RABGAP1L: variants seen among roughly 807,000 people sequenced by gnomAD.
RABGAP1L encodes rab GTPase-activating protein 1-like.
A neutral mutation model predicts 137.7 loss-of-function variants in RABGAP1L; 63 were observed. The observed-to-expected ratio is 0.46, with a 90% CI of 0.37 to 0.56. The LOEUF (loss-of-function observed/expected upper bound fraction) is 0.56. Among genes scored for constraint, RABGAP1L ranks in the 20% least tolerant of loss-of-function variants. The pLI is 0.00. For synonymous variants in RABGAP1L, 431 were observed against 433.7 expected (o/e 0.99, Z 0.08); for missense variants, 1,095 against 1,244.0 (o/e 0.88, Z 1.80).
chr1:174,428,500 T>C (rs959283920), intron 13 of RABGAP1L, among the ~76,000 whole-genome samples: 6 of 152,236 alleles, frequency 3.9e-5, no homozygotes, highest in Admixed American at 2.0e-4. Flanking sequence ...TTTCCAAACC[T>C]CAGTGGGCAC....
chr1:174,916,215 G>T (rs1660861628), intron 19 of RABGAP1L, among the ~76,000 whole-genome samples: 1 of 150,508 alleles, frequency 6.6e-6, no homozygotes, highest in South Asian at 2.1e-4. Flanking sequence ...CAACTTTGTT[G>T]AAAGTCAGAT....
At chr1:174,596,818 G>A (rs925629959) in intron 13 of RABGAP1L, among the ~76,000 whole-genome samples, 2 of 152,020 alleles carry the variant, frequency 1.3e-5, no homozygotes, top group Admixed American at 1.3e-4. Context: ...AGATTTTCAG[G>A]TTTTACGCAT....
chr1:174,281,637 G>T (rs1675567623), intron 10 of RABGAP1L, among the ~76,000 whole-genome samples: 1 of 152,186 alleles, frequency 6.6e-6, no homozygotes, highest in African/African-American at 2.4e-5. Flanking sequence ...AGAAAGACTG[G>T]GAAGCACAGT....
At chr1:174,490,544 G>A (rs1327976469) in intron 13 of RABGAP1L, among the ~76,000 whole-genome samples, 1 of 152,074 alleles carries the variant, frequency 6.6e-6, no homozygotes, top group Non-Finnish European at 1.5e-5. Flanking sequence ...ATAGCATTTT[G>A]TCTCACTCAA....
chr1:174,531,428 A>C (rs909533), intron 13 of RABGAP1L, among the ~76,000 whole-genome samples: 53,623 of 152,082 alleles, frequency 0.35, 12,097 homozygotes, highest in African/African-American at 0.64. Flanking sequence ...TAAGAATTTC[A>C]GATTTAGATA....
chr1:174,698,436 G>A (rs1482058415), intron 15 of RABGAP1L, among the ~76,000 whole-genome samples: 6 of 152,154 alleles, frequency 3.9e-5, no homozygotes, highest in Non-Finnish European at 8.8e-5. Context: ...AAAACGCAGG[G>A]AGGATAGTCT....
intron 7 of RABGAP1L, among the ~76,000 whole-genome samples, chr1:174,255,964 G>A (rs891871784): frequency 2.6e-5 from 4 of 152,248 alleles, no homozygotes; most frequent in Non-Finnish European, 1.5e-5. Flanking sequence ...TAGGGATATC[G>A]CTTACATCAC....
At chr1:174,551,163 C>T (rs925393125) in intron 13 of RABGAP1L, among the ~76,000 whole-genome samples, 3 of 149,596 alleles carry the variant, frequency 2.0e-5, no homozygotes, top group East Asian at 2.0e-4. Context: ...GAGCTGAGAT[C>T]GCACCACTGC....
At chr1:174,442,412 C>T (rs571511975) in intron 13 of RABGAP1L, among the ~76,000 whole-genome samples, 4 of 152,110 alleles carry the variant, frequency 2.6e-5, no homozygotes, top group Admixed American at 2.0e-4. Context: ...ATCTTACAAA[C>T]GTCTCATTTC....
intron 13 of RABGAP1L, among the ~76,000 whole-genome samples, chr1:174,636,164 A>G (rs1674010807): frequency 1.3e-5 from 2 of 152,188 alleles, no homozygotes; most frequent in Non-Finnish European, 2.9e-5. Context: ...CATTTTTATA[A>G]GGCTAGAATT....
At chr1:174,885,763 C>T (rs1185514111) in intron 19 of RABGAP1L, among the ~76,000 whole-genome samples, 2 of 151,946 alleles carry the variant, frequency 1.3e-5, no homozygotes, top group African/African-American at 2.4e-5. Context: ...GTCAGGAGAT[C>T]GAGACCATCT....
chr1:174,943,477 C>T (rs934010589), intron 19 of RABGAP1L, among the ~76,000 whole-genome samples: 8 of 152,196 alleles, frequency 5.3e-5, no homozygotes, highest in African/African-American at 1.9e-4. Flanking sequence ...ATTTTCTTCT[C>T]CCTCAGAGCA....
chr1:174,160,289 C>T (rs181003591), intron 1 of RABGAP1L, among the ~76,000 whole-genome samples: 64 of 152,168 alleles, frequency 4.2e-4, no homozygotes, highest in African/African-American at 1.5e-3. Flanking sequence ...CCCCACCCAC[C>T]TTGTGAGTGC....
intron 13 of RABGAP1L, among the ~76,000 whole-genome samples, chr1:174,460,530 G>C (rs1017596241): frequency 2.6e-5 from 4 of 151,934 alleles, no homozygotes; most frequent in South Asian, 2.1e-4. Flanking sequence ...TATAAATAAG[G>C]CTTTTCCACA....
intron 11 of RABGAP1L, among the ~76,000 whole-genome samples, chr1:174,305,605 C>CA (rs1678139652): frequency 6.6e-6 from 1 of 152,012 alleles, no homozygotes; most frequent in African/African-American, 2.4e-5. Flanking sequence ...AGGCTTGTCT[C>CA]AAACTCCTGA....
intron 7 of RABGAP1L, among the ~76,000 whole-genome samples, chr1:174,261,924 C>T (rs938991013): frequency 5.9e-5 from 9 of 152,144 alleles, no homozygotes; most frequent in Non-Finnish European, 1.0e-4. Context: ...TCATTCCTCC[C>T]TTTCCTGAAA....
chr1:174,384,906 G>A (rs1571549377), intron 12 of RABGAP1L, among the ~76,000 whole-genome samples: 1 of 152,066 alleles, frequency 6.6e-6, no homozygotes, highest in Non-Finnish European at 1.5e-5. Context: ...GTCTTATATA[G>A]TGTTTTAAGA....
chr1:174,743,835 T>C (rs1683649540), intron 17 of RABGAP1L, among the ~76,000 whole-genome samples: 1 of 152,008 alleles, frequency 6.6e-6, no homozygotes, highest in South Asian at 2.1e-4. Flanking sequence ...ATGTTAAACT[T>C]ATCTCTCATC....
chr1:174,943,265 TG>T (rs533638535), intron 19 of RABGAP1L, among the ~76,000 whole-genome samples: 90 of 152,358 alleles, frequency 5.9e-4, no homozygotes, highest in African/African-American at 2.0e-3. Flanking sequence ...TCTTAGTTTT[TG>T]TGTTCAATTT....
Sources: allele counts gnomAD v4.1 joint callset (sites outside exome capture counted in the v4.1 genomes callset), GRCh38; gene constraint gnomAD v4.1.1; transcripts MANE v1.5; gene names NCBI Gene and HGNC (gene_info 2026-07-23, HGNC 2026-07-21).